Variants in EEF2 observed in about 807,000 individuals in gnomAD.
EEF2 encodes the protein eukaryotic translation elongation factor 2.
A neutral mutation model predicts 85.3 loss-of-function variants in EEF2; 21 were observed. The ratio of observed to expected loss-of-function variants is 0.25; its 90% CI spans 0.17 to 0.35. The LOEUF is 0.35. Among genes scored for constraint, EEF2 ranks in the 10% least tolerant of loss-of-function variants. EEF2 has a pLI of 1.00. For synonymous variants in EEF2, 723 were observed against 508.8 expected, an observed-to-expected ratio of 1.42 and a Z score of -5.67; for missense variants, 825 against 1,225.3, an observed-to-expected ratio of 0.67 and a Z score of 4.88.
At chr19:3,985,225 G>A in intron 1 of EEF2, 153 bp downstream of exon 1, 1 of 815,682 alleles carries the variant, frequency 1.2e-6, no homozygotes, top group Non-Finnish European at 1.7e-6. Context: ...CACAGACATG[G>A]CGGCGGCCGC....
rs1016347485 is a variant in EEF2, at chr19:3,980,741, T to C, written c.1151-32A>G. ...GACAGAGAAAACCCGCAAGCTTTATTCCAGTGCAGCTCAGCCTTCTGGAAC... is the reference window on the plus strand; with the variant it reads ...GACAGAGAAAACCCGCAAGCTTTATCCCAGTGCAGCTCAGCCTTCTGGAAC... On this transcript the variant is annotated intron_variant, in intron 8 of 14. Coordinates refer to ENST00000309311, the MANE Select transcript of EEF2 (RefSeq NM_001961.4). 5.6e-6 allele frequency: 9 copies of C among 1,607,620 alleles called. No individual in the cohort carries two copies. In the African/African-American group the frequency reaches 6.7e-5, roughly 12 times the overall value.
chr19:3,982,580 C>A lies in EEF2; in HGVS notation c.613-156G>T, dbSNP rs768751667. ...TGATCAGTCATCACGAATAGGGGGGCCAGCCCCTCCACCACCCAGGGCAGC... is the reference window on the plus strand; with the variant it reads ...TGATCAGTCATCACGAATAGGGGGGACAGCCCCTCCACCACCCAGGGCAGC... On this transcript the variant is annotated intron_variant, in intron 4 of 14. Transcript: ENST00000309311. The A allele has an allele frequency of 1.9e-5, 21 of 1,107,154 alleles. No individual in the cohort carries two copies. The African/African-American group carries it at 2.9e-4, about 15-fold the overall frequency. 68.6% of individuals were successfully genotyped at this position (1,107,154 alleles called of 1,614,324 possible). A position where few individuals can be genotyped will look rare whatever the true frequency, so the allele number is the denominator to read the frequency against.
chr19:3,983,472 G>C (rs541329460), intron 2 of EEF2, among the ~76,000 whole-genome samples, 181 bp from the exon 3 acceptor site: 1 of 151,944 alleles, frequency 6.6e-6, no homozygotes, highest in Non-Finnish European at 1.5e-5. Flanking sequence ...CCATGACAGG[G>C]AACTCCTGGT....
chr19:3,983,964 C>T, intron 2 of EEF2, 172 bp downstream of exon 2: 2 of 695,952 alleles, frequency 2.9e-6, no homozygotes, highest in Admixed American at 2.8e-5. Context: ...CCCCGAATCC[C>T]TGTGCCTCTC....
chr19:3,977,710 C>T lies in EEF2; in HGVS notation c.2068-100G>A, dbSNP rs2039695160. On this transcript the variant is annotated intron_variant, in intron 12 of 14. Transcript: ENST00000309311. This position sits in a 1 kb window ranked among gnomAD's most constrained non-coding sequence, Gnocchi z 5.4. ...AGGTCTCCACCAGGGGGACCTGGGG[C>T]CTTGCCCGCCTTGGCCCCATTAGGG... 3 of 1,479,928 alleles carry T rather than the reference C, an allele frequency of 2.0e-6. No individual in the cohort carries two copies. The highest frequency in any genetic ancestry group is 4.7e-5 in the Admixed American group (2 of 42,662). The allele number at this position is 1,479,928 out of a possible 1,614,324, so 91.7% of individuals were successfully genotyped here.
At chr19:3,979,774 G>A in intron 10 of EEF2, 34 bp downstream of exon 10, 1 of 1,599,362 alleles carries the variant, frequency 6.3e-7, no homozygotes, top group Non-Finnish European at 8.5e-7. Context: ...CCCCCTCAGG[G>A]TGTCTGCTCC....
At chr19:3,978,273 A>G in intron 11 of EEF2, 101 bp from the exon 12 acceptor site, 1 of 945,444 alleles carries the variant, frequency 1.1e-6, no homozygotes, top group African/African-American at 1.7e-5. Context: ...GACCTCATAC[A>G]GCCTGGTAGA....
chr19:3,984,547 G>A (rs548339198), intron 1 of EEF2, among the ~76,000 whole-genome samples, 197 bp from the exon 2 acceptor site: 1 of 152,212 alleles, frequency 6.6e-6, no homozygotes, highest in South Asian at 2.1e-4. Flanking sequence ...ACCGTTAATA[G>A]GTGTCATTCA....
intron 10 of EEF2, among the ~76,000 whole-genome samples, 185 bp from the exon 11 acceptor site, chr19:3,979,621 G>C (rs550010908): frequency 3.3e-5 from 5 of 152,272 alleles, no homozygotes; most frequent in Non-Finnish European, 5.9e-5. Flanking sequence ...AACACGCGCA[G>C]AGCAGCCTAG....
rs1418745859 is a variant in EEF2 at position 3,982,273 on chromosome 19, T to C, written c.764A>G (p.Asp255Gly). The C allele has an allele frequency of 1.2e-6, 2 of 1,614,050 alleles. No homozygotes were observed. Residue 255 changes from aspartate to glycine, a missense_variant, in exon 5 of 15, where the codon GAC becomes GGC. Transcript: ENST00000309311. ...GTCACCCCACAGCTTCTTCATCATG[T>C]CCTCTACTTTCTTGGCCCGCTCGGC... ...GPAERAKKVE[D>G]MMKKLWGDRY... is the part of the protein sequence containing the mutation.
At chr19:3,982,525 T>G (rs1245477830) in intron 4 of EEF2, 101 bp from the exon 5 acceptor site, 1 of 1,432,378 alleles carries the variant, frequency 7.0e-7, no homozygotes, top group Admixed American at 1.7e-5. Context: ...GCAGGCTTTC[T>G]TCAGTAGACA....
At chr19:3,983,570 A>G (rs955892428) in intron 2 of EEF2, among the ~76,000 whole-genome samples, 1 of 152,106 alleles carries the variant, frequency 6.6e-6, no homozygotes, top group African/African-American at 2.4e-5. Context: ...CACCTGACTC[A>G]AAGTAGCAAC....
chr19:3,981,551 A>T (rs2039747293), intron 6 of EEF2, 99 bp from the exon 7 acceptor site: 1 of 1,136,518 alleles, frequency 8.8e-7, no homozygotes, highest in East Asian at 2.3e-5. Context: ...GCGCAGGGGG[A>T]CGCAGCACGG....
intron 14 of EEF2, 145 bp from the exon 15 acceptor site, chr19:3,976,892 G>A (rs2039685846): frequency 9.8e-7 from 1 of 1,018,010 alleles, no homozygotes; most frequent in African/African-American, 1.6e-5. Flanking sequence ...CTTCACGAAG[G>A]GCCTAGCAGG....
intron 10 of EEF2, among the ~76,000 whole-genome samples, 185 bp from the exon 11 acceptor site, chr19:3,979,621 G>A (rs550010908): frequency 1.3e-5 from 2 of 152,390 alleles, no homozygotes; most frequent in African/African-American, 4.8e-5. Context: ...AACACGCGCA[G>A]AGCAGCCTAG....
chr19:3,979,719 C>T lies in EEF2; in HGVS notation c.1605+89G>A, dbSNP rs1367479200. ...TTCATGACCAGTCACCCCAATCCAC[C>T]AACCACAGCAACCCACACAGCCACA... On this transcript the variant is annotated intron_variant, in intron 10 of 14. Transcript: ENST00000309311. 3.3e-6 allele frequency: 5 copies of T among 1,535,978 alleles called. No individual in the cohort carries two copies. The East Asian group carries it at 1.1e-4, about 35-fold the overall frequency.
At chr19:3,982,493 G>A (rs768279884) in intron 4 of EEF2, 69 bp from the exon 5 acceptor site, 39 of 1,595,216 alleles carry the variant, frequency 2.4e-5, no homozygotes, top group South Asian at 5.5e-5. Flanking sequence ...CGGGCTGGGC[G>A]CCTTGGGCAT....
At chr19:3,982,575 G>C (rs1239692070) in intron 4 of EEF2, 151 bp from the exon 5 acceptor site, 2 of 1,163,254 alleles carry the variant, frequency 1.7e-6, no homozygotes, top group African/African-American at 1.5e-5. Flanking sequence ...TCACGAATAG[G>C]GGGGCCAGCC....
intron 1 of EEF2, chr19:3,985,078 G>T (rs2039802946): frequency 2.7e-6 from 1 of 374,508 alleles, no homozygotes; most frequent in Non-Finnish European, 4.7e-6. Flanking sequence ...CGCTTCCACC[G>T]CGGTGCCCGC....
Sources: gnomAD v4.1 joint callset for allele counts (sites outside exome capture counted in the v4.1 genomes callset) on GRCh38, gnomAD v4.1.1 for gene constraint, Gnocchi (gnomAD v3.1) non-coding constraint, MANE v1.5 for transcripts, NCBI Gene and HGNC (gene_info 2026-07-23, HGNC 2026-07-21) for gene names.